KLF17: variants seen among roughly 807,000 people sequenced by gnomAD.
The protein encoded by KLF17 is Krueppel-like factor 17.
In KLF17, 31 loss-of-function variants were observed where a neutral mutation model predicts 34.2. That is an observed-to-expected ratio of 0.91 (90% confidence interval 0.68 to 1.22). The LOEUF (loss-of-function observed/expected upper bound fraction) is 1.22. Among genes scored for constraint, KLF17 ranks in the 50% most tolerant of loss-of-function variants. The pLI is 0.00. For missense variants in KLF17, 478 were observed against 505.2 expected, an observed-to-expected ratio of 0.95 and a Z score of 0.52; for synonymous variants, 179 against 186.7, an observed-to-expected ratio of 0.96 and a Z score of 0.34.
the KLF17 span, among the ~76,000 whole-genome samples, chr1:44,109,859 T>C: frequency 6.6e-6 from 1 of 151,224 alleles, no homozygotes; most frequent in Admixed American, 6.6e-5. Flanking sequence ...GAATATATAA[T>C]ATGACCCCCA....
rs1174364632 is a variant in KLF17, at chr1:44,133,373, G to T, written c.*136G>T. On this transcript the variant is annotated 3_prime_UTR_variant, in exon 4 of 4. Transcript: ENST00000372299. Reference sequence around the variant, plus strand: ...CTACAATACTGAGCGCAACAAGGCTGTGGAGACCCATGGTGAGGAGCATGG... The same window carrying T: ...CTACAATACTGAGCGCAACAAGGCTTTGGAGACCCATGGTGAGGAGCATGG... 2 of 152,266 alleles carry T rather than the reference G, an allele frequency of 1.3e-5. No homozygotes were observed. Among genetic ancestry groups the T allele is most frequent in the African/African-American group, 4.8e-5 (2 of 41,450 alleles). The allele number at this position is 152,266 out of a possible 1,614,324, so 9.4% of individuals were successfully genotyped here.
chr1:44,119,220 G>C (rs1044257032), intron 1 of KLF17, among the ~76,000 whole-genome samples: 5 of 151,992 alleles, frequency 3.3e-5, no homozygotes, highest in Admixed American at 2.6e-4. Flanking sequence ...GGGAGGGATT[G>C]GAAAGGGAGG....
At chr1:44,106,697 T>TA in the KLF17 span, 2 of 151,976 alleles carry the variant, frequency 1.3e-5, no homozygotes, top group African/African-American at 4.8e-5. Flanking sequence ...CAGGAGGGAA[T>TA]AAAAAGGAGA....
chr1:44,075,072 A>T, the KLF17 span: 6 of 151,078 alleles, frequency 4.0e-5, no homozygotes, highest in Non-Finnish European at 5.9e-5. Flanking sequence ...CAGGCAGATG[A>T]CTTGAGGTCA....
chr1:44,074,586 A>G, the KLF17 span, among the ~76,000 whole-genome samples: 18 of 152,238 alleles, frequency 1.2e-4, no homozygotes, highest in Admixed American at 1.1e-3. Flanking sequence ...GAAGAAAGAC[A>G]GAGGGAACTG....
At chr1:44,099,542 G>A in the KLF17 span, among the ~76,000 whole-genome samples, 1 of 151,968 alleles carries the variant, frequency 6.6e-6, no homozygotes, top group South Asian at 2.1e-4. Flanking sequence ...CACTTTGGGA[G>A]GCCAAGGCAG....
At position 44,129,972 on chromosome 1, in the gene KLF17, G is replaced by A; in HGVS notation, c.701G>A (p.Gly234Glu). Reference sequence around the variant, plus strand: ...GAGTCCCAGTCATTGCTGGTTTTAGGATCTCAGGACTCTCTTGTCAGTCAG... The same window carrying A: ...GAGTCCCAGTCATTGCTGGTTTTAGAATCTCAGGACTCTCTTGTCAGTCAG... Reference protein sequence around the residue: ...PAESQSLLVLGSQDSLVSQPD... With the variant: ...PAESQSLLVLESQDSLVSQPD... The change falls in exon 2 of 4, where the codon GGA (glycine) becomes GAA (glutamate). Residue 234 changes from glycine (G) to glutamate (E), a missense_variant. Coordinates refer to ENST00000372299, the MANE Select transcript of KLF17 (RefSeq NM_173484.4). 1 of 1,614,160 alleles carries A rather than the reference G, an allele frequency of 6.2e-7. No homozygotes were observed. The highest frequency in any genetic ancestry group is 8.5e-7 in the Non-Finnish European group (1 of 1,180,038).
chr1:44,110,917 G>A, the KLF17 span, among the ~76,000 whole-genome samples: 1 of 151,982 alleles, frequency 6.6e-6, no homozygotes, highest in African/African-American at 2.4e-5. Context: ...GAGCCCAGGA[G>A]TTTGAGACCA....
chr1:44,095,689 T>G, the KLF17 span, among the ~76,000 whole-genome samples: 1 of 152,236 alleles, frequency 6.6e-6, no homozygotes, highest in African/African-American at 2.4e-5. Flanking sequence ...CTTTTCAATT[T>G]ATTTCATAAA....
At chr1:44,126,015 T>C (rs2088003758) in intron 1 of KLF17, among the ~76,000 whole-genome samples, 1 of 144,096 alleles carries the variant, frequency 6.9e-6, no homozygotes, top group African/African-American at 2.9e-5. Flanking sequence ...GTTTTTTTTG[T>C]TTTGTTTTGT....
chr1:44,057,119 T>C, the KLF17 span, among the ~76,000 whole-genome samples: 9 of 152,060 alleles, frequency 5.9e-5, no homozygotes, highest in East Asian at 5.8e-4. Context: ...AGTAGCTTTA[T>C]GCATGAGGGG....
At chr1:44,061,512 C>T in the KLF17 span, among the ~76,000 whole-genome samples, 1 of 152,164 alleles carries the variant, frequency 6.6e-6, no homozygotes, top group Non-Finnish European at 1.5e-5. Context: ...ATTGCCATGG[C>T]AATGCCCTGA....
chr1:44,048,403 G>A, the KLF17 span: 1 of 152,182 alleles, frequency 6.6e-6, no homozygotes, highest in Non-Finnish European at 1.5e-5. Flanking sequence ...TGAGCTAAAA[G>A]GACGCTTTTG....
At chr1:44,121,124 ACTTT>A (rs2087940734) in intron 1 of KLF17, among the ~76,000 whole-genome samples, 1 of 152,164 alleles carries the variant, frequency 6.6e-6, no homozygotes, top group African/African-American at 2.4e-5. Context: ...ATATATATAC[ACTTT>A]CTTTTGAGAC....
At chr1:44,070,082 TC>T in the KLF17 span, 1 of 152,168 alleles carries the variant, frequency 6.6e-6, no homozygotes, top group South Asian at 2.1e-4. Flanking sequence ...TGCATTTTAG[TC>T]TCTAAGTCAA....
At chr1:44,083,833 G>GC in the KLF17 span, among the ~76,000 whole-genome samples, 1 of 149,478 alleles carries the variant, frequency 6.7e-6, no homozygotes, top group South Asian at 2.1e-4. Flanking sequence ...AAGCTGCCAT[G>GC]CCCCTGAGGC....
At chr1:44,063,165 A>G in the KLF17 span, among the ~76,000 whole-genome samples, 3 of 152,222 alleles carry the variant, frequency 2.0e-5, no homozygotes, top group Non-Finnish European at 2.9e-5. Flanking sequence ...TATGATTGCA[A>G]TTATATGAAG....
intron 3 of KLF17, 82 bp downstream of exon 3, chr1:44,130,838 C>T (rs113129490): frequency 1.5e-5 from 21 of 1,408,528 alleles, no homozygotes; most frequent in Non-Finnish European, 2.1e-5. Context: ...ACTCTGTCTC[C>T]CAGGCTGGAG....
chr1:44,099,903 A>G, the KLF17 span, among the ~76,000 whole-genome samples: 4 of 69,378 alleles, frequency 5.8e-5, no homozygotes, highest in Admixed American at 1.5e-4. Flanking sequence ...GAAAGAAAGA[A>G]AGAAAGAAAG....
Sources: gnomAD v4.1 joint callset for allele counts (sites outside exome capture counted in the v4.1 genomes callset) on GRCh38, gnomAD v4.1.1 for gene constraint, MANE v1.5 for transcripts, NCBI Gene and HGNC (gene_info 2026-07-23, HGNC 2026-07-21) for gene names.